PTPRD: variants seen among roughly 807,000 people sequenced by gnomAD.
The protein encoded by PTPRD is receptor-type tyrosine-protein phosphatase delta.
A neutral mutation model predicts 214.5 loss-of-function variants in PTPRD; 34 were observed. The ratio of observed to expected loss-of-function variants is 0.16; its 90% CI spans 0.12 to 0.21. PTPRD has a LOEUF of 0.21. PTPRD is among the 10% of genes least tolerant of loss of function. The pLI is 1.00. For missense variants in PTPRD, 2,545 were observed against 2,398.7 expected (o/e 1.06, Z -1.27); for synonymous variants, 1,128 against 845.7 (o/e 1.33, Z -5.79).
chr9:10,133,631 A>G (rs2098919394), intron 3 of PTPRD, among the ~76,000 whole-genome samples: 1 of 152,190 alleles, frequency 6.6e-6, no homozygotes, highest in African/African-American at 2.4e-5. Context: ...TATAACTATA[A>G]GTCCACCATA....
rs1238566912 is a variant in PTPRD at position 10,346,593 on chromosome 9, A to AT, written c.-599-5577dup. On this transcript the variant is annotated intron_variant, in intron 2 of 45. Transcript: ENST00000381196. Reference sequence around the variant, plus strand: ...ATATAAAGTATGTTTGCATAGGTAGATTTTTTAAACATTCATGATGAGGCA... The same window carrying AT: ...ATATAAAGTATGTTTGCATAGGTAGATTTTTTTAAACATTCATGATGAGGCA... 6.6e-5 allele frequency among the ~76,000 whole-genome samples: 10 copies of AT among 152,222 alleles called. 1 individual carries two copies. Among genetic ancestry groups the AT allele is most frequent in the African/African-American group, 2.4e-4 (10 of 41,460 alleles).
At position 8,638,553 on chromosome 9, in the gene PTPRD, G is replaced by C. The variant is rs1161725305; in HGVS notation, c.65-1709C>G. On this transcript the variant is annotated intron_variant, in intron 12 of 45. Transcript: ENST00000381196. ...AATTAATTTGCAGAAATTGCTTCCA[G>C]TTTCAAGGTTTCCTAGCTTTATATA... 2.6e-5 allele frequency among the ~76,000 whole-genome samples: 4 copies of C among 152,168 alleles called. No homozygotes were observed. In the East Asian group the frequency reaches 7.7e-4, roughly 29 times the overall value.
intron 10 of PTPRD, among the ~76,000 whole-genome samples, chr9:9,047,325 T>C (rs2099674694): frequency 6.6e-6 from 1 of 152,114 alleles, no homozygotes; most frequent in Admixed American, 6.6e-5. Context: ...ATGCGCATAC[T>C]ACCCAAAGCA....
Position 9,006,187 on chromosome 9 carries a change from AG to A in PTPRD, c.-104+12509del, listed in dbSNP as rs370699015. On this transcript the variant is annotated intron_variant, in intron 11 of 45. Coordinates refer to ENST00000381196, the MANE Select transcript of PTPRD (RefSeq NM_002839.4). ...ATTTAGCTGTTAAAAGAAAGATTAG[AG>A]GTGTATCCAACCGATGATGTAATGT... Among the ~76,000 whole-genome samples the A allele has an allele frequency of 4.8e-3, 657 of 136,324 alleles. 3 individuals are homozygous for A. The highest frequency in any genetic ancestry group is 7.5e-3 in the Non-Finnish European group (471 of 62,886). The allele number at this position is 136,324 out of a possible 152,430, so 89.4% of individuals were successfully genotyped here. A position where few individuals can be genotyped will look rare whatever the true frequency, so the allele number is the denominator to read the frequency against.
At chr9:8,775,277 C>T (rs1216954473) in intron 11 of PTPRD, among the ~76,000 whole-genome samples, 1 of 152,158 alleles carries the variant, frequency 6.6e-6, no homozygotes, top group Non-Finnish European at 1.5e-5. Context: ...TTTACTTTCT[C>T]AGCAAGAATA....
chr9:10,488,997 T>C (rs1460174836), intron 2 of PTPRD, among the ~76,000 whole-genome samples: 2 of 152,050 alleles, frequency 1.3e-5, no homozygotes, highest in African/African-American at 4.8e-5. Flanking sequence ...GTTCCCTTTG[T>C]TTTTCCTTCC....
chr9:8,385,952 T>C (rs183153570), intron 37 of PTPRD, among the ~76,000 whole-genome samples: 3 of 152,252 alleles, frequency 2.0e-5, no homozygotes, highest in Non-Finnish European at 2.9e-5. Context: ...TCGTCAACCA[T>C]AGAGAAATAA....
intron 5 of PTPRD, among the ~76,000 whole-genome samples, chr9:9,775,135 C>T (rs1422621913): frequency 2.0e-5 from 3 of 152,200 alleles, no homozygotes; most frequent in Middle Eastern, 3.2e-3. Context: ...ATTTACGTAT[C>T]TGTCACCCCA....
At chr9:9,936,897 A>C (rs1246232476) in intron 5 of PTPRD, among the ~76,000 whole-genome samples, 10 of 147,268 alleles carry the variant, frequency 6.8e-5, no homozygotes, top group Non-Finnish European at 1.5e-5. Context: ...ATGCAGCCAT[A>C]AAAAATGATG....
intron 3 of PTPRD, among the ~76,000 whole-genome samples, chr9:10,035,655 C>T (rs900352714): frequency 6.6e-6 from 1 of 152,020 alleles, no homozygotes; most frequent in Admixed American, 6.6e-5. Context: ...CTCATCATTT[C>T]AGCCTTCCTT....
intron 16 of PTPRD, 44 bp downstream of exon 16, chr9:8,527,301 G>A: frequency 6.3e-7 from 1 of 1,583,228 alleles, no homozygotes; most frequent in African/African-American, 1.4e-5. Flanking sequence ...TTCTGGATAT[G>A]GAAATTAGTG....
At chr9:9,929,262 A>G (rs2085483800) in intron 5 of PTPRD, among the ~76,000 whole-genome samples, 1 of 152,204 alleles carries the variant, frequency 6.6e-6, no homozygotes, top group Non-Finnish European at 1.5e-5. Flanking sequence ...TTATATTCAC[A>G]AACTTGCCCC....
intron 8 of PTPRD, among the ~76,000 whole-genome samples, chr9:9,544,421 T>C (rs1036779417): frequency 4.0e-5 from 6 of 151,656 alleles, no homozygotes; most frequent in African/African-American, 1.4e-4. Context: ...TAGGTACATA[T>C]GACACACATT....
intron 3 of PTPRD, among the ~76,000 whole-genome samples, chr9:10,289,272 A>G (rs1307474024): frequency 2.6e-5 from 4 of 152,120 alleles, no homozygotes; most frequent in Non-Finnish European, 5.9e-5. Flanking sequence ...TCTATGTGTC[A>G]TTTCCCCCAA....
At chr9:9,467,642 T>C (rs2094303109) in intron 8 of PTPRD, among the ~76,000 whole-genome samples, 1 of 144,932 alleles carries the variant, frequency 6.9e-6, no homozygotes, top group South Asian at 2.2e-4. Context: ...CTCTTATCTT[T>C]CATAAATAGC....
chr9:8,971,112 A>G (rs1589103932), intron 11 of PTPRD, among the ~76,000 whole-genome samples: 1 of 151,812 alleles, frequency 6.6e-6, no homozygotes, highest in Non-Finnish European at 1.5e-5. Context: ...CAATTCTTCA[A>G]ATGTGTCACA....
At chr9:8,519,742 T>C (rs1234161390) in intron 20 of PTPRD, among the ~76,000 whole-genome samples, 1 of 152,232 alleles carries the variant, frequency 6.6e-6, no homozygotes, top group Non-Finnish European at 1.5e-5. Context: ...TTGATTTATT[T>C]TAATTTGCCA....
At chr9:9,768,279 G>A (rs2098722768) in intron 5 of PTPRD, among the ~76,000 whole-genome samples, 1 of 152,104 alleles carries the variant, frequency 6.6e-6, no homozygotes. Context: ...AAGATTAAAT[G>A]AGTCATTACA....
intron 10 of PTPRD, among the ~76,000 whole-genome samples, chr9:9,058,676 C>T (rs1239955992): frequency 1.3e-5 from 2 of 151,242 alleles, no homozygotes; most frequent in African/African-American, 4.9e-5. Context: ...GTCTCGATCT[C>T]CTGACCTCGT....
Sources: gnomAD v4.1 joint callset for allele counts (sites outside exome capture counted in the v4.1 genomes callset) on GRCh38, gnomAD v4.1.1 for gene constraint, MANE v1.5 for transcripts, NCBI Gene and HGNC (gene_info 2026-07-23, HGNC 2026-07-21) for gene names.